CAMSAP2: variants seen among roughly 807,000 people sequenced by gnomAD.
The protein encoded by CAMSAP2 is calmodulin-regulated spectrin-associated protein 2.
A neutral mutation model predicts 146.1 loss-of-function variants in CAMSAP2; 26 were observed. That is an observed-to-expected ratio of 0.18 (90% CI 0.13 to 0.25). The LOEUF (loss-of-function observed/expected upper bound fraction) is 0.25. Ranked by LOEUF, CAMSAP2 falls within the 10% of genes least tolerant of loss-of-function variation. The pLI, the probability that CAMSAP2 is intolerant of heterozygous loss-of-function variation, is 1.00. For missense variants in CAMSAP2, 1,381 were observed against 1,759.3 expected, an observed-to-expected ratio of 0.78 and a Z score of 3.85; for synonymous variants, 499 against 596.6, an observed-to-expected ratio of 0.84 and a Z score of 2.38.
At chr1:200,770,661 A>C (rs1665090608) in intron 2 of CAMSAP2, among the ~76,000 whole-genome samples, 2 of 152,030 alleles carry the variant, frequency 1.3e-5, no homozygotes, top group African/African-American at 4.8e-5. Context: ...TGATCCACCC[A>C]CCTCGGCCTC....
intron 2 of CAMSAP2, among the ~76,000 whole-genome samples, chr1:200,772,051 A>G (rs1214561394): frequency 2.0e-5 from 3 of 152,338 alleles, no homozygotes; most frequent in Non-Finnish European, 4.4e-5. Context: ...TTACAGAAGT[A>G]TAGTTTTAGA....
chr1:200,807,720 A>C (rs887518370), intron 3 of CAMSAP2, among the ~76,000 whole-genome samples, 183 bp downstream of exon 3: 1 of 150,864 alleles, frequency 6.6e-6, no homozygotes, highest in Non-Finnish European at 1.5e-5. Flanking sequence ...CTGTATACTT[A>C]GCAATATTTA....
chr1:200,848,099 C>A lies in CAMSAP2; in HGVS notation c.1330C>A (p.Pro444Thr). Residue 444 changes from proline to threonine, a missense_variant, in exon 11 of 17, where the codon CCA becomes ACA. By Grantham distance (38) the Pro-to-Thr change is conservative. This residue lies in a region of CAMSAP2 where 447 missense variants were observed against 462.2 expected (regional missense o/e 0.97). Coordinates refer to ENST00000358823, the MANE Select transcript of CAMSAP2 (RefSeq NM_203459.4). ...AGAAGATAGTGTACAGAGATCCACTCCAAACCGAGGAATCACTCGTTCTAT... is the reference window on the plus strand; with the variant it reads ...AGAAGATAGTGTACAGAGATCCACTACAAACCGAGGAATCACTCGTTCTAT... Reference protein sequence around the residue: ...DKEDSVQRSTPNRGITRSISN... With the variant: ...DKEDSVQRSTTNRGITRSISN... The A allele has an allele frequency of 6.2e-7, 1 of 1,608,370 alleles. No homozygotes were observed. The highest frequency in any genetic ancestry group is 1.1e-5 in the South Asian group (1 of 90,378).
Position 200,853,433 on chromosome 1 carries a change from G to C in CAMSAP2, c.3761G>C (p.Arg1254Pro), listed in dbSNP as rs756589218. 1 of 1,613,566 alleles carries C rather than the reference G, an allele frequency of 6.2e-7. No homozygotes were observed. Among genetic ancestry groups the C allele is most frequent in the Admixed American group, 1.7e-5 (1 of 59,984 alleles). Residue 1254 changes from arginine (R) to proline (P), a missense_variant, in exon 13 of 17, where the codon CGA (arginine) becomes CCA (proline). This residue lies in a region of CAMSAP2 where 560 missense variants were observed against 715.9 expected (regional missense o/e 0.78). Coordinates refer to ENST00000358823, the MANE Select transcript of CAMSAP2 (RefSeq NM_203459.4). This position sits in a 1 kb window ranked among gnomAD's most constrained non-coding sequence, Gnocchi z 5.1. ...CAAGTAGTAAAACAAAAAAAACAGC[G>C]ACCAAAATCTATTCACAGAGATCAT... Reference protein sequence around the residue: ...RPQVVKQKKQRPKSIHRDHIE... With the variant: ...RPQVVKQKKQPPKSIHRDHIE...
At chr1:200,836,561 A>G (rs190045744) in intron 6 of CAMSAP2, among the ~76,000 whole-genome samples, 13 of 152,230 alleles carry the variant, frequency 8.5e-5, no homozygotes, top group Non-Finnish European at 1.3e-4. Flanking sequence ...ATACACATGC[A>G]TGTGTCTTTT....
chr1:200,848,989 G>A lies in CAMSAP2; in HGVS notation c.2220G>A (p.Arg740=), dbSNP rs750668243. Residue 740 remains arginine, a synonymous_variant, in exon 11 of 17, where the codon CGG becomes CGA. Transcript: ENST00000358823. ...IPEETGLPQG[R]DTTQLLASEM... is the part of the protein sequence containing the mutation. The stretch of plus-strand genomic sequence containing the variant: ...AAGAAACAGGGCTTCCACAGGGACG[G>A]GACACTACCCAGCTGTTGGCCTCTG... The A allele has an allele frequency of 4.3e-6, 7 of 1,614,082 alleles. No homozygotes were observed. Among genetic ancestry groups the A allele is most frequent in the Non-Finnish European group, 5.9e-6 (7 of 1,180,004 alleles).
In CAMSAP2 at chr1:200,781,551, G is replaced by GT. The variant is rs528277186; in HGVS notation, c.399+20461dup. On this transcript the variant is annotated intron_variant, in intron 2 of 16. Transcript: ENST00000358823. ...GTTTTTTTGTTGTATGTTTGTTTTT[G>GT]TTTTTTTTGAGACAGGGTCTCCCTC... Among the ~76,000 whole-genome samples, 197 of 151,392 alleles carry GT rather than the reference G, an allele frequency of 1.3e-3. No individual in the cohort carries two copies. The Middle Eastern group carries it at 0.021, about 16-fold the overall frequency.
rs1667550631 is a variant in CAMSAP2 at position 200,849,278 on chromosome 1, A to G, written c.2509A>G (p.Ile837Val). Residue 837 changes from isoleucine to valine, a missense_variant, in exon 11 of 17, where the codon ATA becomes GTA. By Grantham distance (29) the Ile-to-Val change is conservative (BLOSUM62 3). Coordinates refer to ENST00000358823, the MANE Select transcript of CAMSAP2 (RefSeq NM_203459.4). This position sits in a 1 kb window ranked among gnomAD's most constrained non-coding sequence, Gnocchi z 6.3. ...ACAAAGGAGCAAGTCACTGGCAGAT[A>G]TAAAAGAGAGCATGGAGAATCCTCA... Reference protein sequence around the residue: ...DGQRSKSLADIKESMENPQAK... With the variant: ...DGQRSKSLADVKESMENPQAK... 3.1e-6 allele frequency: 5 copies of G among 1,614,032 alleles called. No homozygotes were observed. The highest frequency in any genetic ancestry group is 1.1e-5 in the South Asian group (1 of 91,088).
Position 200,816,723 on chromosome 1 carries a change from C to CATATATGTGTGTACACACACGCGTGT in CAMSAP2, c.645+1099_645+1100insGCGTGTATATATGTGTGTACACACAC, listed in dbSNP as rs1666512444. On this transcript the variant is annotated intron_variant, in intron 4 of 16. Transcript: ENST00000358823. ...ATATATGTGTATATATACACACGCACATATATGTGTGTACACACACACGCG... is the reference window on the plus strand; with the variant it reads ...ATATATGTGTATATATACACACGCACATATATGTGTGTACACACACGCGTGTATATATGTGTGTACACACACACGCG... Among the ~76,000 whole-genome samples the CATATATGTGTGTACACACACGCGTGT allele has an allele frequency of 4.4e-5, 2 of 45,910 alleles. 1 individual carries two copies. Among genetic ancestry groups the CATATATGTGTGTACACACACGCGTGT allele is most frequent in the Admixed American group, 4.8e-4 (2 of 4,202 alleles). 30.1% of individuals were successfully genotyped at this position (45,910 alleles called of 152,430 possible).
chr1:200,783,934 C>T (rs535054989), intron 2 of CAMSAP2, among the ~76,000 whole-genome samples: 1 of 152,174 alleles, frequency 6.6e-6, no homozygotes, highest in East Asian at 1.9e-4. Context: ...TTTTTTTCCC[C>T]TATGTTTTCT....
In CAMSAP2 at chr1:200,856,067, A is replaced by C. The variant is rs753435829; in HGVS notation, c.3954A>C (p.Glu1318Asp). The C allele has an allele frequency of 6.2e-7, 1 of 1,614,132 alleles. No homozygotes were observed. Among genetic ancestry groups the C allele is most frequent in the Admixed American group, 1.7e-5 (1 of 60,028 alleles). ...SPSRCGSRNGEKDWENASTTS... is the reference protein window; with the variant it reads ...SPSRCGSRNGDKDWENASTTS... ...GTCGTTGTGGCAGTCGAAATGGAGA[A>C]AAAGACTGGGAGAATGCATCAACAA... Residue 1318 changes from glutamate to aspartate, a missense_variant, in exon 15 of 17, where the codon GAA (glutamate) becomes GAC (aspartate). By Grantham distance (45) the Glu-to-Asp change is conservative (BLOSUM62 2). Transcript: ENST00000358823.
At chr1:200,767,499 CAT>C (rs1491588073) in intron 2 of CAMSAP2, among the ~76,000 whole-genome samples, 1 of 122,312 alleles carries the variant, frequency 8.2e-6, no homozygotes, top group Admixed American at 8.9e-5. Context: ...TTTTTTTAAA[CAT>C]ATTGGTCTTA....
intron 15 of CAMSAP2, among the ~76,000 whole-genome samples, chr1:200,856,544 G>A (rs570619169): frequency 1.8e-4 from 27 of 152,162 alleles, no homozygotes; most frequent in African/African-American, 5.5e-4. Context: ...CTCACATATC[G>A]CCACCAAGTC....
rs1667851527 is a variant in CAMSAP2 at position 200,860,432 on chromosome 1, G to C, written c.*2373G>C. ...AATTCTGCTATTTGACACAGCTTTG[G>C]AAAGATTTAGTTCTTGGTTTTTCCG... On this transcript the variant is annotated 3_prime_UTR_variant, in exon 17 of 17. Coordinates refer to ENST00000358823, the MANE Select transcript of CAMSAP2 (RefSeq NM_203459.4). 6.6e-6 allele frequency: 1 copy of C among 152,664 alleles called. No homozygotes were observed. The highest frequency in any genetic ancestry group is 1.5e-5 in the Non-Finnish European group (1 of 67,996). The allele number at this position is 152,664 out of a possible 1,614,324, so 9.5% of individuals were successfully genotyped here.
chr1:200,845,256 C>CTTT (rs11375893), intron 8 of CAMSAP2, among the ~76,000 whole-genome samples: 3 of 148,156 alleles, frequency 2.0e-5, no homozygotes, highest in Admixed American at 6.7e-5. Context: ...GTTTTTCCTG[C>CTTT]TTTTTTTTTT....
Position 200,852,558 on chromosome 1 carries a change from A to C in CAMSAP2, c.3483A>C (p.Glu1161Asp), listed in dbSNP as rs1190396198. 3.1e-6 allele frequency: 5 copies of C among 1,612,682 alleles called. No individual in the cohort carries two copies. The highest frequency in any genetic ancestry group is 4.2e-6 in the Non-Finnish European group (5 of 1,179,636). The change falls in exon 12 of 17, where the codon GAA becomes GAC. Residue 1161 changes from glutamate to aspartate, a missense_variant. Coordinates refer to ENST00000358823, the MANE Select transcript of CAMSAP2 (RefSeq NM_203459.4). ...GFFFKDDQKA[E>D]NDMAMKRAAL... ...GTTCTTAGGATGATCAAAAAGCAGA[A>C]AATGATATGGCAATGAAACGGGCAG...
At chr1:200,835,621 A>G (rs550826792) in intron 6 of CAMSAP2, among the ~76,000 whole-genome samples, 3 of 152,234 alleles carry the variant, frequency 2.0e-5, no homozygotes, top group Admixed American at 6.5e-5. Context: ...CTGACACATC[A>G]AAAAAAATTT....
rs185446242 is a variant in CAMSAP2, at chr1:200,792,388, C to T, written c.400-14988C>T. Among the ~76,000 whole-genome samples the T allele has an allele frequency of 3.3e-4, 51 of 152,286 alleles. No individual in the cohort carries two copies. In the East Asian group the frequency reaches 3.5e-3, roughly 10 times the overall value. ...TTTAAAAAAGCCAATCCCAGCCGGG[C>T]GCAGTGGCTCAAGCCTGTAATCCCA... On this transcript the variant is annotated intron_variant, in intron 2 of 16. Coordinates refer to ENST00000358823, the MANE Select transcript of CAMSAP2 (RefSeq NM_203459.4).
intron 4 of CAMSAP2, among the ~76,000 whole-genome samples, chr1:200,820,809 T>C (rs1415434116): frequency 6.6e-6 from 1 of 152,328 alleles, no homozygotes; most frequent in East Asian, 1.9e-4. Flanking sequence ...AGAGACTGTT[T>C]AGCCATTTTC....
Sources: allele counts gnomAD v4.1 joint callset (sites outside exome capture counted in the v4.1 genomes callset), GRCh38; gene constraint gnomAD v4.1.1; regional missense constraint gnomAD v4.1.1; non-coding constraint Gnocchi (gnomAD v3.1); transcripts MANE v1.5; gene names NCBI Gene and HGNC (gene_info 2026-07-23, HGNC 2026-07-21).